The following CD300LF variants were observed in gnomAD, a reference collection of about 807,000 sequenced individuals.
The protein encoded by CD300LF is CD300 molecule like family member f, also known as CMRF35-like molecule 1.
A neutral mutation model predicts 32.2 loss-of-function variants in CD300LF; 27 were observed. The observed-to-expected ratio is 0.84, with a 90% CI of 0.62 to 1.15. The LOEUF is 1.15. CD300LF is among the 50% of genes most tolerant of loss of function. The pLI, the probability that CD300LF is intolerant of heterozygous loss-of-function variation, is 0.00. For synonymous variants in CD300LF, 139 were observed against 143.2 expected, an observed-to-expected ratio of 0.97 and a Z score of 0.21; for missense variants, 348 against 356.8, an observed-to-expected ratio of 0.98 and a Z score of 0.20.
chr17:74,702,987 G>A (rs1598244739), intron 3 of CD300LF, 48 bp downstream of exon 3: 2 of 1,440,398 alleles, frequency 1.4e-6, no homozygotes, highest in Non-Finnish European at 2.0e-6. Flanking sequence ...GTTCTCCATT[G>A]GAGGAGTTTG....
At chr17:74,707,630 G>A (rs1044265818) in intron 1 of CD300LF, among the ~76,000 whole-genome samples, 2 of 151,870 alleles carry the variant, frequency 1.3e-5, no homozygotes, top group African/African-American at 4.8e-5. Context: ...TGGGAGAATC[G>A]TCTGAACCTG....
chr17:74,707,209 G>A lies in CD300LF; in HGVS notation c.44-2393C>T, dbSNP rs75059350. On this transcript the variant is annotated intron_variant, in intron 1 of 6. Transcript: ENST00000326165. ...AGAATGAAGCGACAACCTACAGAGT[G>A]AGAGAAAATATTTGCAAACCATAAA... is the stretch of plus-strand genomic sequence containing the variant. Among the ~76,000 whole-genome samples the A allele has an allele frequency of 2.3e-3, 356 of 152,256 alleles. 6 individuals are homozygous for A. The highest frequency in any genetic ancestry group is 0.013 in the Admixed American group (199 of 15,288).
Position 74,704,717 on chromosome 17 carries a change from G to T in CD300LF, c.143C>A (p.Thr48Asn). The T allele has an allele frequency of 6.2e-7, 1 of 1,614,102 alleles. No individual in the cohort carries two copies. Among genetic ancestry groups the T allele is most frequent in the Non-Finnish European group, 8.5e-7 (1 of 1,180,030 alleles). Residue 48 changes from threonine (T) to asparagine (N), a missense_variant, in exon 2 of 7, where the codon ACC (threonine) becomes AAC (asparagine). Physicochemically the swap from Thr to Asn is moderately conservative, Grantham distance 65. Transcript: ENST00000326165. ...TCCTCGACACCACCACTTCAAGTAG[G>T]TCTCCCAGCCTGATCTGTAAACACA... ...VQCVYRSGWE[T>N]YLKWWCRGAI...
chr17:74,704,290 C>T (rs1304244213), intron 2 of CD300LF, 188 bp downstream of exon 2: 2 of 591,706 alleles, frequency 3.4e-6, no homozygotes, highest in East Asian at 5.6e-5. Context: ...TGGAGGGAGC[C>T]CTGGGAGCCA....
chr17:74,702,326 A>T (rs1257346691), intron 3 of CD300LF, among the ~76,000 whole-genome samples: 3 of 151,776 alleles, frequency 2.0e-5, no homozygotes, highest in African/African-American at 7.3e-5. Context: ...GAGCCCAGAG[A>T]CTTCCATCCA....
Position 74,704,746 on chromosome 17 carries a change from C to T in CD300LF, c.114G>A (p.Val38=), listed in dbSNP as rs1171915457. 5 of 1,614,056 alleles carry T rather than the reference C, an allele frequency of 3.1e-6. No homozygotes were observed. Among genetic ancestry groups the T allele is most frequent in the Non-Finnish European group, 4.2e-6 (5 of 1,180,048 alleles). ...VNGLERGSLT[V]QCVYRSGWET... ...CCCAGCCTGATCTGTAAACACACTG[C>T]ACGGTCAAGGAGCCCCGCTCCAAGC... The change falls in exon 2 of 7, where the codon GTG becomes GTA. Residue 38 remains valine (V), a synonymous_variant. Transcript: ENST00000326165.
Position 74,696,990 on chromosome 17 carries a change from G to A in CD300LF, c.560-773C>T, listed in dbSNP as rs115603688. ...GAGTTTCTCTCTTGTCACCCATGCC[G>A]GAGGGCAATGGCACCATCTTGGCTC... On this transcript the variant is annotated intron_variant, in intron 4 of 6. Transcript: ENST00000326165. Among the ~76,000 whole-genome samples, 166 of 152,222 alleles carry A rather than the reference G, an allele frequency of 1.1e-3. 1 individual carries two copies. Among genetic ancestry groups the A allele is most frequent in the African/African-American group, 3.5e-3 (145 of 41,536 alleles).
intron 6 of CD300LF, 85 bp downstream of exon 6, chr17:74,695,640 G>C: frequency 1.3e-6 from 2 of 1,591,432 alleles, no homozygotes; most frequent in Non-Finnish European, 1.7e-6. Flanking sequence ...ACATGAGCAG[G>C]AGAAAGCCCA....
intron 1 of CD300LF, among the ~76,000 whole-genome samples, chr17:74,708,385 G>T (rs1284141269): frequency 1.3e-5 from 2 of 152,042 alleles, no homozygotes; most frequent in African/African-American, 4.8e-5. Context: ...ATTTTCCAGA[G>T]CATAGAAAAA....
chr17:74,696,668 C>A (rs1446395535), intron 4 of CD300LF, among the ~76,000 whole-genome samples: 1 of 152,224 alleles, frequency 6.6e-6, no homozygotes, highest in African/African-American at 2.4e-5. Context: ...CCGGGGGGCA[C>A]TTGCTCTATG....
intron 4 of CD300LF, among the ~76,000 whole-genome samples, chr17:74,698,028 T>C (rs1244636841): frequency 6.6e-6 from 1 of 152,156 alleles, no homozygotes; most frequent in East Asian, 1.9e-4. Flanking sequence ...GACCCAACTC[T>C]AGCGTCTAGT....
rs2033330329 is a variant in CD300LF, at chr17:74,704,335, C to G, written c.382+143G>C. 6.2e-6 allele frequency: 4 copies of G among 648,612 alleles called. No homozygotes were observed. In the East Asian group the frequency reaches 1.1e-4, roughly 17 times the overall value. 40.2% of individuals were successfully genotyped at this position (648,612 alleles called of 1,614,324 possible). On this transcript the variant is annotated intron_variant, in intron 2 of 6. Transcript: ENST00000326165. ...TGAAGAGAGGCCCTGCTCCCCCAGT[C>G]CCAGGTGGTCAGTCAGGGTTCTATG...
rs2034070309 is a variant in CD300LF at position 74,712,840 on chromosome 17, G to A, written c.27C>T (p.Leu9=). 1.9e-6 allele frequency: 3 copies of A among 1,613,924 alleles called. No homozygotes were observed. The highest frequency in any genetic ancestry group is 1.3e-5 in the African/African-American group (1 of 74,886). The part of the protein sequence containing the change: MPLLTLYL[L]LFWLSGYSIV... ...CCCGCTCACCTGAGAGCCAGAAGAG[G>A]AGCAGGTAGAGTGTCAGCAGGGGCA... is the stretch of plus-strand genomic sequence containing the variant. The change falls in exon 1 of 7, where the codon CTC becomes CTT. Residue 9 remains leucine (L), a synonymous_variant. Coordinates refer to ENST00000326165, the MANE Select transcript of CD300LF (RefSeq NM_139018.5).
chr17:74,710,530 T>A (rs949355492), intron 1 of CD300LF, among the ~76,000 whole-genome samples: 1 of 151,972 alleles, frequency 6.6e-6, no homozygotes, highest in South Asian at 2.1e-4. Flanking sequence ...TTCCTAGGAA[T>A]AACTTTAACA....
At chr17:74,703,615 A>G (rs961883899) in intron 2 of CD300LF, among the ~76,000 whole-genome samples, 3 of 152,212 alleles carry the variant, frequency 2.0e-5, no homozygotes, top group South Asian at 4.1e-4. Flanking sequence ...CAAAACTTCA[A>G]TGATGGGGAT....
At chr17:74,709,585 A>T (rs1169255193) in intron 1 of CD300LF, among the ~76,000 whole-genome samples, 1 of 151,790 alleles carries the variant, frequency 6.6e-6, no homozygotes, top group Non-Finnish European at 1.5e-5. Context: ...TTTGAGATGG[A>T]GTCTTGCTTG....
rs565511390 is a variant in CD300LF, at chr17:74,694,540, C to T, written c.*556G>A. Reference sequence around the variant, plus strand: ...ACTTCCATCATCACTTTGTCTCTACCTCTTTGACCTTCTGGCCTCTTTCTT... The same window carrying T: ...ACTTCCATCATCACTTTGTCTCTACTTCTTTGACCTTCTGGCCTCTTTCTT... On this transcript the variant is annotated 3_prime_UTR_variant, in exon 7 of 7. Coordinates refer to ENST00000326165, the MANE Select transcript of CD300LF (RefSeq NM_139018.5). 2.0e-5 allele frequency: 3 copies of T among 152,370 alleles called. No individual in the cohort carries two copies. The South Asian group carries it at 6.2e-4, about 32-fold the overall frequency. 9.4% of individuals were successfully genotyped at this position (152,370 alleles called of 1,614,324 possible). A position where few individuals can be genotyped will look rare whatever the true frequency, so the allele number is the denominator to read the frequency against.
chr17:74,704,331 C>G (rs537499773), intron 2 of CD300LF, 147 bp downstream of exon 2: 3 of 640,192 alleles, frequency 4.7e-6, no homozygotes, highest in African/African-American at 1.8e-5. Flanking sequence ...CCTGCTCCCC[C>G]AGTCCCAGGT....
At chr17:74,697,284 T>G (rs1329616031) in intron 4 of CD300LF, among the ~76,000 whole-genome samples, 2 of 152,046 alleles carry the variant, frequency 1.3e-5, no homozygotes, top group African/African-American at 4.8e-5. Context: ...GATTTTCAGG[T>G]GGTTGCTGGT....
Sources: allele counts gnomAD v4.1 joint callset (sites outside exome capture counted in the v4.1 genomes callset), GRCh38; gene constraint gnomAD v4.1.1; transcripts MANE v1.5; gene names NCBI Gene and HGNC (gene_info 2026-07-23, HGNC 2026-07-21).